EXOC5: variants seen among roughly 807,000 people sequenced by gnomAD.
EXOC5 encodes exocyst complex component 5, also known as SEC10-like 1.
A neutral mutation model predicts 90.8 loss-of-function variants in EXOC5; 17 were observed. That is an observed-to-expected ratio of 0.19 (90% confidence interval 0.13 to 0.28). The LOEUF (loss-of-function observed/expected upper bound fraction) is 0.28, where lower values mean the gene tolerates loss of function less well. Among genes scored for constraint, EXOC5 ranks in the 10% least tolerant of loss-of-function variants. EXOC5 has a pLI of 1.00. For missense variants in EXOC5, 569 were observed against 830.6 expected (o/e 0.69, Z 3.87); for synonymous variants, 260 against 270.0 (o/e 0.96, Z 0.36).
At chr14:57,255,927 G>A (rs1884337322) in intron 1 of EXOC5, among the ~76,000 whole-genome samples, 2 of 151,942 alleles carry the variant, frequency 1.3e-5, no homozygotes, top group Admixed American at 1.3e-4. Flanking sequence ...GACTCCCATA[G>A]GAAAAACACA....
intron 5 of EXOC5, among the ~76,000 whole-genome samples, chr14:57,238,196 GGATA>G (rs1028755669): frequency 2.3e-4 from 33 of 142,846 alleles, no homozygotes; most frequent in Admixed American, 7.5e-4. Context: ...AATCTATTTA[GGATA>G]TATATTCAAC....
At chr14:57,230,396 T>C (rs968353849) in intron 11 of EXOC5, among the ~76,000 whole-genome samples, 14 of 151,662 alleles carry the variant, frequency 9.2e-5, no homozygotes, top group Middle Eastern at 6.8e-3. Flanking sequence ...TTTTTTGCTC[T>C]TAGGATATGT....
At chr14:57,224,499 A>T (rs1041954804) in intron 12 of EXOC5, among the ~76,000 whole-genome samples, 6 of 152,230 alleles carry the variant, frequency 3.9e-5, no homozygotes, top group African/African-American at 1.4e-4. Flanking sequence ...TGCTTAAAAC[A>T]TACAAACTAC....
chr14:57,263,712 C>G (rs1884584653), intron 1 of EXOC5, among the ~76,000 whole-genome samples: 1 of 136,054 alleles, frequency 7.4e-6, no homozygotes, highest in Non-Finnish European at 1.5e-5. Flanking sequence ...TTACAGTGAG[C>G]TGAGATCACG....
chr14:57,252,172 C>G (rs1445805835), intron 1 of EXOC5, among the ~76,000 whole-genome samples: 1 of 152,138 alleles, frequency 6.6e-6, no homozygotes, highest in Non-Finnish European at 1.5e-5. Context: ...TTCCAAAAAA[C>G]TGAGGAAGAG....
intron 12 of EXOC5, among the ~76,000 whole-genome samples, chr14:57,227,690 T>C (rs1251369673): frequency 2.6e-5 from 4 of 152,200 alleles, no homozygotes; most frequent in African/African-American, 9.6e-5. Context: ...AGACTGAGTA[T>C]TGTACTAGTG....
At chr14:57,255,479 TATC>T (rs1884323445) in intron 1 of EXOC5, among the ~76,000 whole-genome samples, 1 of 151,964 alleles carries the variant, frequency 6.6e-6, no homozygotes, top group Non-Finnish European at 1.5e-5. Context: ...TCACTGGTCA[TATC>T]ATAAACCACA....
intron 17 of EXOC5, among the ~76,000 whole-genome samples, chr14:57,209,010 A>G (rs1412199623): frequency 1.3e-5 from 2 of 152,176 alleles, no homozygotes; most frequent in East Asian, 3.8e-4. Flanking sequence ...TTCATGTGTC[A>G]ATTCTCTTCA....
intron 1 of EXOC5, among the ~76,000 whole-genome samples, chr14:57,253,617 C>G (rs1176281230): frequency 2.6e-5 from 4 of 152,126 alleles, no homozygotes; most frequent in Non-Finnish European, 5.9e-5. Context: ...TACTACAAAG[C>G]TACACTGATC....
At chr14:57,233,916 T>C in intron 8 of EXOC5, 33 bp from the exon 9 acceptor site, 1 of 1,601,344 alleles carries the variant, frequency 6.2e-7, no homozygotes, top group Non-Finnish European at 8.6e-7. Context: ...ACAGTGAACA[T>C]ATAATTTCTA....
intron 5 of EXOC5, among the ~76,000 whole-genome samples, chr14:57,238,966 C>A (rs1883767325): frequency 1.3e-5 from 2 of 151,900 alleles, no homozygotes; most frequent in African/African-American, 4.8e-5. Flanking sequence ...TAGAAGAAAT[C>A]ATGAAAAAAT....
chr14:57,256,059 C>T (rs958710333), intron 1 of EXOC5, among the ~76,000 whole-genome samples: 2 of 152,124 alleles, frequency 1.3e-5, no homozygotes, highest in Non-Finnish European at 2.9e-5. Context: ...AAAGAAGGAA[C>T]ACTTTTGCCT....
In EXOC5 at chr14:57,219,436, G is replaced by C. The variant is rs762253895; in HGVS notation, c.1412C>G (p.Pro471Arg). Residue 471 changes from proline (P) to arginine (R), a missense_variant, in exon 14 of 18, where the codon CCC (proline) becomes CGC (arginine). Physicochemically the swap from Pro to Arg is moderately radical, Grantham distance 103. Transcript: ENST00000621441. Reference protein sequence around the residue: ...YALETGLAGIPSSDSRNANLY... With the variant: ...YALETGLAGIRSSDSRNANLY... ...ATTTGCATTCCTAGAATCTGAAGAG[G>C]GAATTCCTAAAACCAGAAAGCATAC... is the stretch of plus-strand genomic sequence containing the variant. 3 of 1,572,268 alleles carry C rather than the reference G, an allele frequency of 1.9e-6. No homozygotes were observed. The highest frequency in any genetic ancestry group is 2.6e-6 in the Non-Finnish European group (3 of 1,161,062).
intron 14 of EXOC5, among the ~76,000 whole-genome samples, chr14:57,218,282 C>T (rs768446282): frequency 4.0e-5 from 6 of 151,810 alleles, no homozygotes; most frequent in African/African-American, 9.7e-5. Flanking sequence ...TAAAAACAAC[C>T]GATTAAAAGG....
chr14:57,219,614 T>C (rs778599413), intron 13 of EXOC5, among the ~76,000 whole-genome samples, 172 bp from the exon 14 acceptor site: 13 of 152,064 alleles, frequency 8.5e-5, no homozygotes, highest in Admixed American at 5.2e-4. Context: ...CTTAAACTTA[T>C]ACTAGTAAAA....
chr14:57,235,957 A>T (rs1883644958), intron 6 of EXOC5, 137 bp from the exon 7 acceptor site: 5 of 604,280 alleles, frequency 8.3e-6, no homozygotes. Flanking sequence ...ATGAGATTAT[A>T]GGCCGTGAAC....
intron 7 of EXOC5, among the ~76,000 whole-genome samples, chr14:57,235,230 G>A (rs1373726293): frequency 6.6e-6 from 1 of 152,066 alleles, no homozygotes; most frequent in Non-Finnish European, 1.5e-5. Context: ...CCTACACAGG[G>A]ATTCTCTCCC....
chr14:57,267,498 A>G (rs1162082557), intron 1 of EXOC5, among the ~76,000 whole-genome samples: 1 of 152,226 alleles, frequency 6.6e-6, no homozygotes, highest in African/African-American at 2.4e-5. Context: ...CAGAAAAAGG[A>G]TACCATTTTC....
Position 57,204,751 on chromosome 14 carries a change from C to T in EXOC5, c.*3858G>A, listed in dbSNP as rs1882598322. 1 of 152,342 alleles carries T rather than the reference C, an allele frequency of 6.6e-6. No homozygotes were observed. The highest frequency in any genetic ancestry group is 1.5e-5 in the Non-Finnish European group (1 of 67,898). 9.4% of individuals were successfully genotyped at this position (152,342 alleles called of 1,614,324 possible). ...ACTTAACATTAAAATTTCATGACCA[C>T]TTATAATATTTAAAAAATCAAATTT... is the stretch of plus-strand genomic sequence containing the variant. On this transcript the variant is annotated 3_prime_UTR_variant, in exon 18 of 18. Transcript: ENST00000621441.
Sources: allele counts gnomAD v4.1 joint callset (sites outside exome capture counted in the v4.1 genomes callset), GRCh38; gene constraint gnomAD v4.1.1; transcripts MANE v1.5; gene names NCBI Gene and HGNC (gene_info 2026-07-23, HGNC 2026-07-21).